The following GLIS3 variants were observed in gnomAD, a reference collection of about 807,000 sequenced individuals.
GLIS3 encodes GLIS family zinc finger 3, also known as zinc finger protein GLIS3.
GLIS3 carries 53 observed loss-of-function variants against 78.6 expected under a neutral mutation model. The observed-to-expected ratio is 0.67, with a 90% CI of 0.54 to 0.85. The LOEUF (loss-of-function observed/expected upper bound fraction) is 0.85, where lower values mean the gene tolerates loss of function less well. GLIS3 is among the 40% of genes least tolerant of loss of function. GLIS3 has a pLI of 0.00. For missense variants in GLIS3, 1,703 were observed against 1,231.1 expected, an observed-to-expected ratio of 1.38 and a Z score of -5.74; for synonymous variants, 684 against 509.9, an observed-to-expected ratio of 1.34 and a Z score of -4.60.
chr9:4,190,339 G>C (rs965751276), intron 2 of GLIS3, among the ~76,000 whole-genome samples: 1 of 152,122 alleles, frequency 6.6e-6, no homozygotes, highest in African/African-American at 2.4e-5. Flanking sequence ...GTGCTTAAAG[G>C]AGCTGATGGA....
the GLIS3 span, among the ~76,000 whole-genome samples, chr9:4,461,680 C>T: frequency 6.6e-6 from 1 of 152,124 alleles, no homozygotes; most frequent in East Asian, 1.9e-4. Context: ...ATAATATGTA[C>T]ATTTTGGGGT....
At chr9:3,898,308 A>C (rs1047617364) in intron 7 of GLIS3, 53 of 296,922 alleles carry the variant, frequency 1.8e-4, no homozygotes, top group African/African-American at 1.1e-3. Context: ...CTTCCTTTTA[A>C]AACATAAAGA....
chr9:4,321,225 C>T (rs1254124767), intron 2 of GLIS3, among the ~76,000 whole-genome samples: 2 of 144,140 alleles, frequency 1.4e-5, no homozygotes, highest in East Asian at 2.1e-4. Context: ...TCGAGACCAT[C>T]CTGGCTAACA....
the GLIS3 span, among the ~76,000 whole-genome samples, chr9:4,420,698 A>G: frequency 2.0e-5 from 3 of 152,172 alleles, no homozygotes; most frequent in African/African-American, 7.2e-5. Flanking sequence ...CCAGTGTACT[A>G]GTCCATTTTT....
intron 2 of GLIS3, among the ~76,000 whole-genome samples, chr9:4,242,368 A>C (rs1231054788): frequency 6.6e-6 from 1 of 152,132 alleles, no homozygotes; most frequent in Non-Finnish European, 1.5e-5. Context: ...TCCTATACTT[A>C]TTGCTCAAAA....
chr9:4,281,922 G>A lies in GLIS3; in HGVS notation c.388+4116C>T, dbSNP rs1011139279. Among the ~76,000 whole-genome samples the A allele has an allele frequency of 5.3e-5, 8 of 152,100 alleles. 1 individual carries two copies. The South Asian group carries it at 1.7e-3, about 32-fold the overall frequency. ...CCCTGTGACTCCCAAAGTTCACTGT[G>A]GCACTCCAGTGACCTTTAACACACT... On this transcript the variant is annotated intron_variant, in intron 2 of 10. Transcript: ENST00000381971.
the GLIS3 span, among the ~76,000 whole-genome samples, chr9:4,393,657 C>A: frequency 6.6e-6 from 1 of 152,072 alleles, no homozygotes; most frequent in African/African-American, 2.4e-5. Flanking sequence ...AAAATGTCCC[C>A]CACATTGAAT....
intron 4 of GLIS3, among the ~76,000 whole-genome samples, chr9:4,008,452 T>C (rs1821734090): frequency 6.6e-6 from 1 of 152,154 alleles, no homozygotes; most frequent in Admixed American, 6.5e-5. Context: ...GCTCCCAGTG[T>C]ACATTCAAAA....
chr9:3,931,431 A>C (rs1164870503), intron 6 of GLIS3, among the ~76,000 whole-genome samples: 1 of 152,180 alleles, frequency 6.6e-6, no homozygotes, highest in Non-Finnish European at 1.5e-5. Context: ...CAATCACTTG[A>C]AATACGTTGA....
At chr9:4,112,297 C>T (rs1022974296) in intron 4 of GLIS3, among the ~76,000 whole-genome samples, 6 of 152,156 alleles carry the variant, frequency 3.9e-5, no homozygotes. Flanking sequence ...TACAAGAGAA[C>T]ATTAAACTAC....
At chr9:4,130,873 T>A (rs1165375280) in intron 2 of GLIS3, among the ~76,000 whole-genome samples, 3 of 152,170 alleles carry the variant, frequency 2.0e-5, no homozygotes, top group African/African-American at 7.2e-5. Flanking sequence ...GCTTGCACCC[T>A]GCACCTGGAA....
At chr9:4,082,953 A>G (rs1828685340) in intron 4 of GLIS3, among the ~76,000 whole-genome samples, 1 of 152,178 alleles carries the variant, frequency 6.6e-6, no homozygotes, top group Non-Finnish European at 1.5e-5. Context: ...GCTATTTTAG[A>G]TGGGTAACTA....
intron 2 of GLIS3, among the ~76,000 whole-genome samples, chr9:4,160,728 G>C (rs1177904506): frequency 6.6e-6 from 1 of 152,102 alleles, no homozygotes; most frequent in Admixed American, 6.5e-5. Flanking sequence ...TAATTCTAAC[G>C]AACTCTGTAC....
At chr9:4,326,342 G>T (rs1311003690) in intron 2 of GLIS3, among the ~76,000 whole-genome samples, 2 of 152,224 alleles carry the variant, frequency 1.3e-5, no homozygotes, top group Non-Finnish European at 1.5e-5. Context: ...AACAAAATGT[G>T]GTATATACAT....
At chr9:4,280,417 A>T (rs1482135612) in intron 2 of GLIS3, among the ~76,000 whole-genome samples, 1 of 152,206 alleles carries the variant, frequency 6.6e-6, no homozygotes, top group African/African-American at 2.4e-5. Flanking sequence ...ATATAACATG[A>T]AAGATACTGG....
At chr9:4,421,812 A>G in the GLIS3 span, among the ~76,000 whole-genome samples, 7 of 152,258 alleles carry the variant, frequency 4.6e-5, no homozygotes, top group African/African-American at 9.6e-5. Context: ...TGAACCAAAC[A>G]TAAGTGATAT....
intron 4 of GLIS3, among the ~76,000 whole-genome samples, chr9:4,105,701 A>G (rs983683440): frequency 1.3e-5 from 2 of 152,038 alleles, no homozygotes; most frequent in Admixed American, 6.6e-5. Context: ...GTTTGTTTTG[A>G]TTTACTATCT....
At chr9:4,411,073 C>A in the GLIS3 span, among the ~76,000 whole-genome samples, 1 of 152,114 alleles carries the variant, frequency 6.6e-6, no homozygotes, top group African/African-American at 2.4e-5. Flanking sequence ...AAAACTATTA[C>A]AATTCATTTA....
At chr9:4,411,607 C>T in the GLIS3 span, among the ~76,000 whole-genome samples, 9,375 of 152,170 alleles carry the variant, frequency 0.062, 630 homozygotes, top group East Asian at 0.29. Flanking sequence ...CTTTAATCTT[C>T]CATTTGACCT....
Sources: gnomAD v4.1 joint callset for allele counts (sites outside exome capture counted in the v4.1 genomes callset) on GRCh38, gnomAD v4.1.1 for gene constraint, MANE v1.5 for transcripts, NCBI Gene and HGNC (gene_info 2026-07-23, HGNC 2026-07-21) for gene names.